Variants in SCAF11 observed in about 807,000 individuals in gnomAD.
SCAF11 encodes the protein protein SCAF11.
In SCAF11, 47 loss-of-function variants were observed where a neutral mutation model predicts 140.5. The observed-to-expected ratio is 0.33, with a 90% CI of 0.26 to 0.43. SCAF11 has a LOEUF of 0.43. Ranked by LOEUF, SCAF11 falls within the 20% of genes least tolerant of loss-of-function variation. The pLI, the probability that SCAF11 is intolerant of heterozygous loss-of-function variation, is 1.00. For missense variants in SCAF11, 1,645 were observed against 1,705.1 expected (o/e 0.96, Z 0.62); for synonymous variants, 557 against 579.4 (o/e 0.96, Z 0.55).
chr12:45,965,936 TAGC>T (rs1266173928), intron 1 of SCAF11, among the ~76,000 whole-genome samples: 4 of 152,232 alleles, frequency 2.6e-5, no homozygotes, highest in African/African-American at 9.6e-5. Flanking sequence ...TTAAAGGTTG[TAGC>T]AGATCAAATA....
chr12:45,966,520 AAC>A (rs1945952359), intron 1 of SCAF11, among the ~76,000 whole-genome samples: 2 of 151,994 alleles, frequency 1.3e-5, no homozygotes, highest in South Asian at 2.1e-4. Context: ...AAAAATTAAA[AAC>A]AGTGTGGCTA....
chr12:45,970,224 G>GTC (rs1946042914), intron 1 of SCAF11, among the ~76,000 whole-genome samples: 2 of 152,158 alleles, frequency 1.3e-5, no homozygotes, highest in African/African-American at 4.8e-5. Flanking sequence ...TAGAGATGGA[G>GTC]TCTCACTCTG....
chr12:45,922,428 C>G (rs1311822268), intron 14 of SCAF11, 35 bp downstream of exon 14: 2 of 1,584,024 alleles, frequency 1.3e-6, no homozygotes, highest in Admixed American at 2.0e-5. Context: ...TGGTTCAAAA[C>G]AACGTGCACA....
intron 1 of SCAF11, among the ~76,000 whole-genome samples, chr12:45,989,329 C>T (rs1946535495): frequency 6.6e-6 from 1 of 152,184 alleles, no homozygotes; most frequent in South Asian, 2.1e-4. Flanking sequence ...TTAACATCAG[C>T]ATCTACTACA....
At chr12:45,969,499 C>T (rs529969808) in intron 1 of SCAF11, among the ~76,000 whole-genome samples, 1 of 152,322 alleles carries the variant, frequency 6.6e-6, no homozygotes, top group South Asian at 2.1e-4. Flanking sequence ...ATACTACAAA[C>T]TTTAGAATCC....
chr12:45,991,226 C>T (rs1309627724), upstream of SCAF11, among the ~76,000 whole-genome samples: 3 of 152,272 alleles, frequency 2.0e-5, no homozygotes, highest in Admixed American at 6.5e-5. Context: ...CCGCCTGACT[C>T]CCCGAGCCTA....
rs754987729 is a variant in SCAF11 at position 45,952,153 on chromosome 12, T to C, written c.220-426A>G. 9.4e-4 allele frequency among the ~76,000 whole-genome samples: 143 copies of C among 152,256 alleles called. 2 individuals are homozygous for C. Among genetic ancestry groups the C allele is most frequent in the Admixed American group, 7.9e-4 (12 of 15,278 alleles). On this transcript the variant is annotated intron_variant, in intron 3 of 14. Transcript: ENST00000369367. The stretch of plus-strand genomic sequence containing the variant: ...AAATTAGTTACATTAAATAGGCAGT[T>C]GTGCCAGCAATAAAAACATTTGAAA...
At chr12:45,934,928 G>T (rs532441757) in intron 6 of SCAF11, 1 of 152,746 alleles carries the variant, frequency 6.5e-6, no homozygotes, top group Non-Finnish European at 1.5e-5. Context: ...TCAAGCAGGG[G>T]CTGACTAGGT....
intron 10 of SCAF11, chr12:45,929,098 G>GA (rs60140747): frequency 0.1 from 20,389 of 195,574 alleles, 2,168 homozygotes; most frequent in African/African-American, 0.33. Context: ...ATTTTATAGA[G>GA]AAAAAAAAAA....
intron 3 of SCAF11, chr12:45,955,119 A>G (rs1457174458): frequency 1.3e-5 from 2 of 152,168 alleles, no homozygotes; most frequent in South Asian, 2.1e-4. Flanking sequence ...TAATTTAGTT[A>G]ACACCAAAAA....
intron 1 of SCAF11, among the ~76,000 whole-genome samples, chr12:45,982,882 G>A (rs573489815): frequency 1.3e-5 from 2 of 152,212 alleles, no homozygotes; most frequent in Non-Finnish European, 2.9e-5. Context: ...ATATAAAGAC[G>A]GATTAAGATA....
chr12:45,990,148 C>T (rs1453550207), intron 1 of SCAF11, among the ~76,000 whole-genome samples: 1 of 152,094 alleles, frequency 6.6e-6, no homozygotes, highest in Non-Finnish European at 1.5e-5. Context: ...AAGGGGCCCT[C>T]CCGGCCGCAG....
chr12:45,937,147 A>G lies in SCAF11; in HGVS notation c.464-2642T>C, dbSNP rs192522049. Among the ~76,000 whole-genome samples, 688 of 152,252 alleles carry G rather than the reference A, an allele frequency of 4.5e-3. 16 individuals carry two copies. The South Asian group carries it at 0.083, about 18-fold the overall frequency. ...TTTCCTTTGTATTACTTTTTTAAAA[A>G]TAAATTTTTGCATTTTTCCTTCCTG... On this transcript the variant is annotated intron_variant, in intron 6 of 14. Coordinates refer to ENST00000369367, the MANE Select transcript of SCAF11 (RefSeq NM_004719.3).
intron 1 of SCAF11, among the ~76,000 whole-genome samples, chr12:45,987,990 A>C (rs116171367): frequency 6.6e-6 from 1 of 152,246 alleles, no homozygotes; most frequent in African/African-American, 2.4e-5. Context: ...AATACAATGC[A>C]AAGATGAGTT....
intron 1 of SCAF11, among the ~76,000 whole-genome samples, chr12:45,967,236 T>C (rs10880875): frequency 0.39 from 58,373 of 151,556 alleles, 13,282 homozygotes; most frequent in East Asian, 0.55. Context: ...AAAAACAACC[T>C]ACAATTAATA....
chr12:45,943,914 GT>G (rs933738244), intron 6 of SCAF11, among the ~76,000 whole-genome samples: 1 of 151,942 alleles, frequency 6.6e-6, no homozygotes, highest in African/African-American at 2.4e-5. Flanking sequence ...ATTCTAAACA[GT>G]AAAACAAAAT....
In SCAF11 at chr12:45,964,203, A is replaced by C; in HGVS notation, c.-21-15T>G. On this transcript the variant is annotated splice_polypyrimidine_tract_variant and intron_variant, in intron 1 of 14. Transcript: ENST00000369367. The stretch of plus-strand genomic sequence containing the variant: ...AAAAGGGTTTCCTATAAGATAAATT[A>C]TAATAGAGAATTTTATGTTTGCCTT... The C allele has an allele frequency of 8.5e-7, 1 of 1,179,728 alleles. No homozygotes were observed. The highest frequency in any genetic ancestry group is 1.2e-6 in the Non-Finnish European group (1 of 819,794). The allele number at this position is 1,179,728 out of a possible 1,614,324, so 73.1% of individuals were successfully genotyped here. A position where few individuals can be genotyped will look rare whatever the true frequency, so the allele number is the denominator to read the frequency against.
chr12:45,927,515 T>C lies in SCAF11; in HGVS notation c.2186A>G (p.Asn729Ser), dbSNP rs1382747972. The part of the protein sequence containing the change: ...MECDSFCSDQ[N>S]ESEVEPSVNA... ...TACAGATGGTTCAACTTCAGATTCA[T>C]TTTGGTCACTGCAAAATGAATCACA... is the stretch of plus-strand genomic sequence containing the variant. Residue 729 changes from asparagine to serine, a missense_variant, in exon 11 of 15, where the codon AAT becomes AGT. Physicochemically the swap from Asn to Ser is conservative, Grantham distance 46 (BLOSUM62 1). This residue lies in a region of SCAF11 where 1,582 missense variants were observed against 1,609.2 expected (regional missense o/e 0.98). Coordinates refer to ENST00000369367, the MANE Select transcript of SCAF11 (RefSeq NM_004719.3). 6.2e-7 allele frequency: 1 copy of C among 1,613,690 alleles called. No homozygotes were observed. Among genetic ancestry groups the C allele is most frequent in the African/African-American group, 1.3e-5 (1 of 74,892 alleles).
chr12:45,979,773 GC>G (rs1249834434), intron 1 of SCAF11, among the ~76,000 whole-genome samples: 6 of 151,946 alleles, frequency 3.9e-5, no homozygotes, highest in African/African-American at 1.4e-4. Flanking sequence ...GTATCAATGT[GC>G]CCTCATATGA....
Sources: gnomAD v4.1 joint callset for allele counts (sites outside exome capture counted in the v4.1 genomes callset) on GRCh38, gnomAD v4.1.1 for gene constraint, gnomAD v4.1.1 regional missense constraint, MANE v1.5 for transcripts, NCBI Gene and HGNC (gene_info 2026-07-23, HGNC 2026-07-21) for gene names.